TXNDC8: variants seen among roughly 807,000 people sequenced by gnomAD.
TXNDC8 encodes thioredoxin domain containing 8.
A neutral mutation model predicts 12.9 loss-of-function variants in TXNDC8; 15 were observed. The observed-to-expected ratio is 1.16, with a 90% CI of 0.78 to 1.79. The LOEUF (loss-of-function observed/expected upper bound fraction) is 1.79, where lower values mean the gene tolerates loss of function less well. TXNDC8 is among the 40% of genes most tolerant of loss of function. The pLI is 0.00. For missense variants in TXNDC8, 128 were observed against 113.2 expected (o/e 1.13, Z -0.59); for synonymous variants, 40 against 35.4 (o/e 1.13, Z -0.46).
chr9:110,328,953 G>T (rs370917005), intron 2 of TXNDC8, among the ~76,000 whole-genome samples: 1 of 152,328 alleles, frequency 6.6e-6, no homozygotes, highest in East Asian at 1.9e-4. Context: ...AGAGCAAGTG[G>T]TGAAGAAAAC....
chr9:110,323,349 A>C, intron 3 of TXNDC8: 1 of 985,466 alleles, frequency 1.0e-6, no homozygotes. Flanking sequence ...ATGAGAGATA[A>C]AGTCAAAAGA....
At chr9:110,322,539 A>G (rs1249888896) in intron 3 of TXNDC8, 10 of 985,360 alleles carry the variant, frequency 1.0e-5, no homozygotes, top group Non-Finnish European at 1.1e-5. Flanking sequence ...ATTGAGACCA[A>G]GCAGGGCCAT....
intron 2 of TXNDC8, among the ~76,000 whole-genome samples, 164 bp from the exon 4 acceptor site, chr9:110,326,404 GTCACAA>G (rs1441145766): frequency 6.6e-6 from 1 of 152,198 alleles, no homozygotes; most frequent in Non-Finnish European, 1.5e-5. Context: ...CTTCAGGAAT[GTCACAA>G]TGATTGACAT....
chr9:110,311,259 C>T (rs186480768), intron 3 of TXNDC8, among the ~76,000 whole-genome samples: 23 of 151,484 alleles, frequency 1.5e-4, no homozygotes, highest in African/African-American at 2.9e-4. Flanking sequence ...GTAAATACAA[C>T]GGGGAAAATA....
At chr9:110,306,958 T>C (rs1838492261) in intron 3 of TXNDC8, among the ~76,000 whole-genome samples, 1 of 151,990 alleles carries the variant, frequency 6.6e-6, no homozygotes, top group African/African-American at 2.4e-5. Flanking sequence ...TTATTTATTT[T>C]AGAGATGAGG....
At chr9:110,302,459 C>G (rs1330320672), downstream of TXNDC8, among the ~76,000 whole-genome samples, 1 of 152,178 alleles carries the variant, frequency 6.6e-6, no homozygotes, top group Non-Finnish European at 1.5e-5. Context: ...TCTAAAAAAG[C>G]ATATGGAGCC....
downstream of TXNDC8, among the ~76,000 whole-genome samples, chr9:110,302,636 T>A (rs1838291961): frequency 6.7e-6 from 1 of 150,034 alleles, no homozygotes; most frequent in South Asian, 2.2e-4. Context: ...TTAGCTCAGT[T>A]TTTTTTTTTT....
At chr9:110,324,207 G>A (rs936348181) in intron 3 of TXNDC8, among the ~76,000 whole-genome samples, 16 of 152,192 alleles carry the variant, frequency 1.1e-4, no homozygotes, top group African/African-American at 3.1e-4. Flanking sequence ...TTGAAAGGAG[G>A]AAGCATTCTC....
intron 3 of TXNDC8, among the ~76,000 whole-genome samples, chr9:110,305,729 CCTGT>C (rs1838432925): frequency 7.6e-6 from 1 of 130,950 alleles, no homozygotes; most frequent in African/African-American, 2.8e-5. Flanking sequence ...TTCTTTCTTT[CCTGT>C]TTCTTTCTTC....
intron 3 of TXNDC8, among the ~76,000 whole-genome samples, chr9:110,315,543 C>G (rs539068495): frequency 3.6e-4 from 55 of 152,304 alleles, no homozygotes; most frequent in African/African-American, 1.3e-3. Flanking sequence ...TAGAGTCTGA[C>G]TAATGACACA....
At chr9:110,337,536 C>A (rs983559147) in intron 1 of TXNDC8, among the ~76,000 whole-genome samples, 2 of 152,188 alleles carry the variant, frequency 1.3e-5, no homozygotes, top group Admixed American at 6.5e-5. Context: ...TGAAGTCAGG[C>A]AGGAAATAAA....
intron 2 of TXNDC8, among the ~76,000 whole-genome samples, chr9:110,333,505 T>C (rs1468098054): frequency 6.6e-6 from 1 of 152,136 alleles, no homozygotes; most frequent in Non-Finnish European, 1.5e-5. Flanking sequence ...TACAACATAG[T>C]GCTTAGAGTT....
chr9:110,333,286 C>T (rs1380623631), intron 2 of TXNDC8, among the ~76,000 whole-genome samples: 1 of 152,104 alleles, frequency 6.6e-6, no homozygotes, highest in Non-Finnish European at 1.5e-5. Context: ...GAATTAGATC[C>T]TCATAGGAGC....
At chr9:110,319,579 C>G (rs1441754233) in intron 3 of TXNDC8, among the ~76,000 whole-genome samples, 1 of 152,192 alleles carries the variant, frequency 6.6e-6, no homozygotes, top group Non-Finnish European at 1.5e-5. Flanking sequence ...ACCTGGGGCT[C>G]AACCTGCAGT....
downstream of TXNDC8, among the ~76,000 whole-genome samples, chr9:110,301,712 A>T (rs1838273954): frequency 6.6e-6 from 1 of 152,214 alleles, no homozygotes; most frequent in African/African-American, 2.4e-5. Context: ...GTAGCAACAT[A>T]AAGGATGATT....
intron 3 of TXNDC8, among the ~76,000 whole-genome samples, chr9:110,307,893 T>A (rs778022545): frequency 5.3e-5 from 8 of 152,200 alleles, no homozygotes; most frequent in Non-Finnish European, 2.9e-5. Flanking sequence ...CCTCTAACCG[T>A]CTTGGGCACA....
At chr9:110,317,695 G>A (rs1024694570) in intron 3 of TXNDC8, among the ~76,000 whole-genome samples, 3 of 152,240 alleles carry the variant, frequency 2.0e-5, no homozygotes, top group Admixed American at 1.3e-4. Context: ...TAGGAAGTCT[G>A]TTGACATAGA....
chr9:110,315,057 G>C (rs1838832365), intron 3 of TXNDC8, among the ~76,000 whole-genome samples: 1 of 152,112 alleles, frequency 6.6e-6, no homozygotes, highest in Non-Finnish European at 1.5e-5. Flanking sequence ...ATAAAATAAT[G>C]AAGTGAACCC....
intron 3 of TXNDC8, among the ~76,000 whole-genome samples, chr9:110,311,697 CAT>C (rs1838690613): frequency 1.0e-5 from 1 of 96,884 alleles, no homozygotes; most frequent in South Asian, 2.8e-4. Flanking sequence ...TATATATATA[CAT>C]GGATATACTA....
Sources: gnomAD v4.1 joint callset for allele counts (sites outside exome capture counted in the v4.1 genomes callset) on GRCh38, gnomAD v4.1.1 for gene constraint, MANE v1.5 for transcripts, NCBI Gene and HGNC (gene_info 2026-07-23, HGNC 2026-07-21) for gene names.